Variants in STAG3 observed in about 807,000 individuals in gnomAD.
STAG3 encodes the protein cohesin subunit SA-3.
Under a neutral mutation model 160.7 loss-of-function variants are expected in STAG3, and 101 were observed. That is an observed-to-expected ratio of 0.63 (90% confidence interval 0.54 to 0.74). The LOEUF (loss-of-function observed/expected upper bound fraction) is 0.74, where lower values mean the gene tolerates loss of function less well. STAG3 is among the 30% of genes least tolerant of loss of function. STAG3 has a pLI of 0.00. For synonymous variants in STAG3, 519 were observed against 585.0 expected, an observed-to-expected ratio of 0.89 and a Z score of 1.63; for missense variants, 1,188 against 1,517.4, an observed-to-expected ratio of 0.78 and a Z score of 3.61.
chr7:100,189,561 G>C lies in STAG3; in HGVS notation c.832G>C (p.Glu278Gln). The change falls in exon 8 of 34, where the codon GAG (glutamate) becomes CAG (glutamine). Residue 278 changes from glutamate to glutamine, a missense_variant. Physicochemically the swap from Glu to Gln is conservative, Grantham distance 29. Coordinates refer to ENST00000615138, the MANE Select transcript of STAG3 (RefSeq NM_001282717.2). ...RNKGPGQRAP[E>Q]RLESLLEKRK... Reference sequence around the variant, plus strand: ...CAAGGGGCCAGGGCAGAGGGCACCTGAGCGGCTGGAGAGCCTGTTGGAGAA... The same window carrying C: ...CAAGGGGCCAGGGCAGAGGGCACCTCAGCGGCTGGAGAGCCTGTTGGAGAA... 6.2e-7 allele frequency: 1 copy of C among 1,614,008 alleles called. No homozygotes were observed. The highest frequency in any genetic ancestry group is 8.5e-7 in the Non-Finnish European group (1 of 1,179,974).
chr7:100,185,154 C>T (rs1212333124), intron 4 of STAG3, among the ~76,000 whole-genome samples: 1 of 152,100 alleles, frequency 6.6e-6, no homozygotes, highest in Admixed American at 6.5e-5. Context: ...TGGTGATCTT[C>T]CCACCTCAGC....
chr7:100,182,767 T>C lies in STAG3; in HGVS notation c.264T>C (p.His88=). 6.2e-7 allele frequency: 1 copy of C among 1,614,016 alleles called. No homozygotes were observed. Residue 88 remains histidine (H), a synonymous_variant, in exon 4 of 34, where the codon CAT becomes CAC. Coordinates refer to ENST00000615138, the MANE Select transcript of STAG3 (RefSeq NM_001282717.2). The stretch of plus-strand genomic sequence containing the variant: ...AAGGGTCCCGAGTGGTACATCGTCA[T>C]AGCCGGAAACAGTCAGAGCCACCAG... The part of the protein sequence containing the change: ...PKKGSRVVHR[H]SRKQSEPPAN...
chr7:100,214,323 C>T lies in STAG3; in HGVS notation c.*308C>T. ...CCCATAGTCTCCTGGATTTTTGGAA[C>T]ATCTTTCTCAGCCTATTTTGTGTCC... On this transcript the variant is annotated 3_prime_UTR_variant, in exon 34 of 34. Transcript: ENST00000615138. 1 of 448,536 alleles carries T rather than the reference C, an allele frequency of 2.2e-6. No homozygotes were observed. Among genetic ancestry groups the T allele is most frequent in the South Asian group, 3.4e-5 (1 of 29,234 alleles). The allele number at this position is 448,536 out of a possible 1,614,324, so 27.8% of individuals were successfully genotyped here.
In STAG3 at chr7:100,202,290, C is replaced by G; in HGVS notation, c.2513C>G (p.Ala838Gly). The change falls in exon 24 of 34, where the codon GCC becomes GGC. Residue 838 changes from alanine (A) to glycine (G), a missense_variant. Around this residue, in one of 4 missense-constraint regions of STAG3, gnomAD observed 647 missense variants for 717.2 expected, o/e 0.90. Transcript: ENST00000615138. ...FPEATLQSELASFLMDHVFIQ... is the reference protein window; with the variant it reads ...FPEATLQSELGSFLMDHVFIQ... ...GAAGCTACTCTCCAGTCTGAGCTAG[C>G]CAGCTTCCTCATGGACCACGTCTTC... 1 of 1,614,176 alleles carries G rather than the reference C, an allele frequency of 6.2e-7. No individual in the cohort carries two copies. Among genetic ancestry groups the G allele is most frequent in the East Asian group, 2.2e-5 (1 of 44,890 alleles).
At chr7:100,188,104 C>T (rs1800141422) in intron 5 of STAG3, among the ~76,000 whole-genome samples, 2 of 152,172 alleles carry the variant, frequency 1.3e-5, no homozygotes, top group South Asian at 4.1e-4. Context: ...TGGCAAAGCA[C>T]ATATTCCTCA....
At position 100,205,319 on chromosome 7, in the gene STAG3, CT is replaced by C; in HGVS notation, c.3174del (p.Val1059TrpfsTer41). On this transcript the variant is annotated frameshift_variant, in exon 29 of 34. Transcript: ENST00000615138. LOFTEE classifies it high-confidence loss of function. ...ACCACCTACTGCCACTCCCTCAGCC[CT>C]GTGGAGAACACAGCAGAGACCAGCC... Reference protein sequence around the residue: ...PVTTYCHSLSPVENTAETSPQ... With the variant: ...PVTTYCHSLSXVENTAETSPQ... 2 of 1,614,196 alleles carry C rather than the reference CT, an allele frequency of 1.2e-6. No homozygotes were observed. Among genetic ancestry groups the C allele is most frequent in the Non-Finnish European group, 1.7e-6 (2 of 1,180,036 alleles).
rs1472895964 is a variant in STAG3, at chr7:100,200,561, T to C, written c.1860+19T>C. Reference sequence around the variant, plus strand: ...GGAGAAGGTAGGGAGATAGATTTCCTATACCTTGCTGCTTGCCTGCCAGGG... The same window carrying C: ...GGAGAAGGTAGGGAGATAGATTTCCCATACCTTGCTGCTTGCCTGCCAGGG... On this transcript the variant is annotated intron_variant, in intron 18 of 33. Coordinates refer to ENST00000615138, the MANE Select transcript of STAG3 (RefSeq NM_001282717.2). The C allele has an allele frequency of 1.2e-6, 2 of 1,612,514 alleles. No homozygotes were observed. The highest frequency in any genetic ancestry group is 1.7e-5 in the Admixed American group (1 of 59,984).
Position 100,214,234 on chromosome 7 carries a change from C to T in STAG3, c.*219C>T. 1 of 601,414 alleles carries T rather than the reference C, an allele frequency of 1.7e-6. No homozygotes were observed. The highest frequency in any genetic ancestry group is 2.9e-6 in the Non-Finnish European group (1 of 343,562). 37.3% of individuals were successfully genotyped at this position (601,414 alleles called of 1,614,324 possible). A position where few individuals can be genotyped will look rare whatever the true frequency, so the allele number is the denominator to read the frequency against. On this transcript the variant is annotated 3_prime_UTR_variant, in exon 34 of 34. Transcript: ENST00000615138. ...CCCTAATGCACTGTGGCCCAGTCCC[C>T]TTGCCTTTTTCCTGTTCTGTTTGGA...
In STAG3 at chr7:100,196,820, T is replaced by C. The variant is rs925427844; in HGVS notation, c.942-336T>C. On this transcript the variant is annotated intron_variant, in intron 9 of 33. Transcript: ENST00000615138. The stretch of plus-strand genomic sequence containing the variant: ...GTACAAGGCTGGTGTTTAACTATTT[T>C]ATGGTTTGGTAACAGAAAGAAAATA... 5.3e-5 allele frequency among the ~76,000 whole-genome samples: 8 copies of C among 152,048 alleles called. No homozygotes were observed. In the South Asian group the frequency reaches 8.3e-4, roughly 16 times the overall value.
downstream of STAG3, chr7:100,218,368 C>G (rs1290891063): frequency 5.5e-6 from 1 of 181,272 alleles, no homozygotes; most frequent in Non-Finnish European, 1.1e-5. Flanking sequence ...TATAACTATT[C>G]TTATTCTATG....
In STAG3 at chr7:100,182,168, A is replaced by G; in HGVS notation, c.195A>G (p.Ala65=). The G allele has an allele frequency of 1.2e-6, 2 of 1,611,588 alleles. No homozygotes were observed. Among genetic ancestry groups the G allele is most frequent in the Non-Finnish European group, 1.7e-6 (2 of 1,179,512 alleles). ...ATCGCAATGTGAAGAAGAGAGCAGCAAAACGACCACCGAAAACAACACCGG... is the reference window on the plus strand; with the variant it reads ...ATCGCAATGTGAAGAAGAGAGCAGCGAAACGACCACCGAAAACAACACCGG... ...SLNRNVKKRA[A]KRPPKTTPVA... is the part of the protein sequence containing the mutation. Residue 65 remains alanine, a synonymous_variant, in exon 3 of 34, where the codon GCA becomes GCG. Transcript: ENST00000615138.
Position 100,211,030 on chromosome 7 carries a change from A to G in STAG3, c.3258A>G (p.Arg1086=), listed in dbSNP as rs1402040928. 3 of 1,613,684 alleles carry G rather than the reference A, an allele frequency of 1.9e-6. No homozygotes were observed. Among genetic ancestry groups the G allele is most frequent in the Admixed American group, 3.3e-5 (2 of 59,938 alleles). The change falls in exon 30 of 34, where the codon AGA becomes AGG. Residue 1086 remains arginine, a synonymous_variant. Transcript: ENST00000615138. ...TGGCAGGGCCTGCCAAGCCTAACAGAGAGGACGTCTCCTCGTCCCAGGAAG... is the reference window on the plus strand; with the variant it reads ...TGGCAGGGCCTGCCAAGCCTAACAGGGAGGACGTCTCCTCGTCCCAGGAAG... ...RRVEGPAKPN[R]EDVSSSQEES...
intron 29 of STAG3, 75 bp downstream of exon 29, chr7:100,205,459 A>G (rs1299325929): frequency 1.4e-6 from 2 of 1,406,220 alleles, no homozygotes; most frequent in Non-Finnish European, 9.6e-7. Flanking sequence ...TTTGTCAAGT[A>G]TTTCATTGAG....
At chr7:100,210,456 A>G (rs1374193932) in intron 29 of STAG3, among the ~76,000 whole-genome samples, 2 of 152,118 alleles carry the variant, frequency 1.3e-5, no homozygotes, top group Admixed American at 1.3e-4. Context: ...CCTTCATATC[A>G]TATCAGTTAT....
At chr7:100,199,149 G>GGA in intron 14 of STAG3, 113 bp from the exon 15 acceptor site, 1 of 903,452 alleles carries the variant, frequency 1.1e-6, no homozygotes. Flanking sequence ...AAAGACAAAT[G>GGA]GAGAAGGATG....
chr7:100,210,556 T>C (rs181378504), intron 29 of STAG3, among the ~76,000 whole-genome samples: 27 of 152,274 alleles, frequency 1.8e-4, no homozygotes, highest in African/African-American at 6.0e-4. Context: ...ATTTGTCCAC[T>C]CTAGCCTCTG....
chr7:100,180,813 C>T, intron 2 of STAG3, 141 bp downstream of exon 2: 1 of 607,538 alleles, frequency 1.6e-6, no homozygotes, highest in South Asian at 1.9e-5. Flanking sequence ...TGACACCCTC[C>T]CTCCAGCTCC....
At chr7:100,203,246 A>G (rs1390525510) in intron 25 of STAG3, among the ~76,000 whole-genome samples, 1 of 148,594 alleles carries the variant, frequency 6.7e-6, no homozygotes, top group Non-Finnish European at 1.5e-5. Flanking sequence ...ATGCAATGGC[A>G]CTATCTCGGC....
At chr7:100,217,438 G>A (rs1802857094), downstream of STAG3, among the ~76,000 whole-genome samples, 1 of 152,216 alleles carries the variant, frequency 6.6e-6, no homozygotes, top group Non-Finnish European at 1.5e-5. Context: ...TGCTTTTCAG[G>A]GGTGGCACTG....
Sources: allele counts gnomAD v4.1 joint callset (sites outside exome capture counted in the v4.1 genomes callset), GRCh38; gene constraint gnomAD v4.1.1; regional missense constraint gnomAD v4.1.1; transcripts MANE v1.5; gene names NCBI Gene and HGNC (gene_info 2026-07-23, HGNC 2026-07-21).